Variants in KCNB2 observed in about 807,000 individuals in gnomAD.
KCNB2 encodes the protein delayed rectifier potassium channel protein.
A neutral mutation model predicts 61.5 loss-of-function variants in KCNB2; 15 were observed. The observed-to-expected ratio is 0.24, with a 90% CI of 0.16 to 0.38. KCNB2 has a LOEUF of 0.38. Ranked by LOEUF, KCNB2 falls within the 10% of genes least tolerant of loss-of-function variation. The probability of loss-of-function intolerance (pLI) is 1.00; values close to 1 mark genes in which losing one functional copy is unlikely to be tolerated. For missense variants in KCNB2, 828 were observed against 1,125.2 expected (o/e 0.74, Z 3.78); for synonymous variants, 457 against 446.0 (o/e 1.02, Z -0.31).
intron 2 of KCNB2, among the ~76,000 whole-genome samples, chr8:72,613,168 T>A (rs1367963139): frequency 2.6e-5 from 4 of 151,998 alleles, no homozygotes; most frequent in Non-Finnish European, 5.9e-5. Flanking sequence ...AGAGAGTAAA[T>A]CTGAATTTAG....
intron 1 of KCNB2, among the ~76,000 whole-genome samples, chr8:72,552,939 C>T (rs1347838727): frequency 2.0e-5 from 3 of 151,810 alleles, no homozygotes; most frequent in South Asian, 2.1e-4. Flanking sequence ...CCTTTTTTGA[C>T]GTCTAAAATG....
intron 2 of KCNB2, among the ~76,000 whole-genome samples, chr8:72,930,427 G>C (rs1806755600): frequency 6.6e-6 from 1 of 152,212 alleles, no homozygotes; most frequent in Non-Finnish European, 1.5e-5. Context: ...CAGTGTAAAA[G>C]TGTTCCTGTT....
At chr8:72,867,120 A>G (rs1805533309) in intron 2 of KCNB2, among the ~76,000 whole-genome samples, 1 of 152,224 alleles carries the variant, frequency 6.6e-6, no homozygotes, top group Non-Finnish European at 1.5e-5. Context: ...TAATTAGCCA[A>G]TGACTTGGAG....
intron 2 of KCNB2, among the ~76,000 whole-genome samples, chr8:72,662,022 C>T (rs916653263): frequency 1.3e-5 from 2 of 152,184 alleles, no homozygotes; most frequent in African/African-American, 4.8e-5. Flanking sequence ...TTAAGCCTCT[C>T]AAGAATTTGA....
intron 2 of KCNB2, among the ~76,000 whole-genome samples, chr8:72,839,048 T>C (rs1262382753): frequency 2.0e-5 from 3 of 152,174 alleles, no homozygotes; most frequent in Admixed American, 2.0e-4. Flanking sequence ...TTTAAACAAT[T>C]ATAATAATAG....
At chr8:72,681,918 T>C (rs975285766) in intron 2 of KCNB2, among the ~76,000 whole-genome samples, 5 of 152,208 alleles carry the variant, frequency 3.3e-5, no homozygotes, top group Non-Finnish European at 7.3e-5. Flanking sequence ...TGTAGTGATT[T>C]AACATCCCCT....
At chr8:72,538,276 C>G (rs898250446) in intron 1 of KCNB2, among the ~76,000 whole-genome samples, 1 of 152,074 alleles carries the variant, frequency 6.6e-6, no homozygotes, top group Non-Finnish European at 1.5e-5. Context: ...CAGAGACATG[C>G]GTGCATTTTA....
At chr8:72,704,584 A>G (rs1487438200) in intron 2 of KCNB2, among the ~76,000 whole-genome samples, 1 of 151,860 alleles carries the variant, frequency 6.6e-6, no homozygotes, top group South Asian at 2.1e-4. Context: ...CACAGATAAG[A>G]TGAGCAGTGT....
At chr8:72,586,826 A>G (rs1010710427) in intron 2 of KCNB2, among the ~76,000 whole-genome samples, 1 of 152,150 alleles carries the variant, frequency 6.6e-6, no homozygotes, top group Non-Finnish European at 1.5e-5. Context: ...ACCACATCAC[A>G]TTTTTTAAAA....
At chr8:72,830,309 A>C (rs978834915) in intron 2 of KCNB2, among the ~76,000 whole-genome samples, 1 of 151,052 alleles carries the variant, frequency 6.6e-6, no homozygotes, top group African/African-American at 2.4e-5. Flanking sequence ...CAGCTTTTCT[A>C]TCCAGACGAT....
intron 2 of KCNB2, among the ~76,000 whole-genome samples, chr8:72,816,621 A>G (rs1809400595): frequency 6.6e-6 from 1 of 152,190 alleles, no homozygotes; most frequent in Non-Finnish European, 1.5e-5. Context: ...TTTTTGTGGT[A>G]TGAATTCATG....
intron 2 of KCNB2, among the ~76,000 whole-genome samples, chr8:72,589,628 A>G (rs150839381): frequency 6.6e-6 from 1 of 152,350 alleles, no homozygotes; most frequent in East Asian, 1.9e-4. Context: ...CTAAACCTAG[A>G]ACCTAATTCT....
chr8:72,660,819 G>T (rs1806367915), intron 2 of KCNB2: 2 of 152,084 alleles, frequency 1.3e-5, no homozygotes, highest in Admixed American at 6.6e-5. Flanking sequence ...TTATTTATTG[G>T]ATATTTAATG....
At position 72,921,650 on chromosome 8, in the gene KCNB2, T is replaced by C. The variant is rs1166905392; in HGVS notation, c.580-14285T>C. Among the ~76,000 whole-genome samples, 9 of 152,328 alleles carry C rather than the reference T, an allele frequency of 5.9e-5. No individual in the cohort carries two copies. The East Asian group carries it at 1.2e-3, about 20-fold the overall frequency. The stretch of plus-strand genomic sequence containing the variant: ...CTAACTGTTTTAATATGTTATTTTG[T>C]AGTATTTCCTTATTTATATTTCTCC... On this transcript the variant is annotated intron_variant, in intron 2 of 2. Coordinates refer to ENST00000523207, the MANE Select transcript of KCNB2 (RefSeq NM_004770.3).
chr8:72,761,925 TA>T (rs1439212922), intron 2 of KCNB2, among the ~76,000 whole-genome samples: 2 of 152,204 alleles, frequency 1.3e-5, no homozygotes, highest in Non-Finnish European at 2.9e-5. Context: ...CAATAGCCTA[TA>T]GACTCTATAG....
intron 2 of KCNB2, among the ~76,000 whole-genome samples, chr8:72,769,894 G>T (rs1290685929): frequency 6.6e-6 from 1 of 152,124 alleles, no homozygotes; most frequent in East Asian, 1.9e-4. Flanking sequence ...TTATGGTTTG[G>T]TGTCAGGTGT....
intron 2 of KCNB2, among the ~76,000 whole-genome samples, chr8:72,894,477 T>G (rs1805954811): frequency 6.6e-6 from 1 of 152,224 alleles, no homozygotes; most frequent in African/African-American, 2.4e-5. Flanking sequence ...TTTAAAAGTT[T>G]AAGTTAGAAT....
At chr8:72,783,362 C>T (rs944851811) in intron 2 of KCNB2, among the ~76,000 whole-genome samples, 17 of 152,078 alleles carry the variant, frequency 1.1e-4, no homozygotes, top group Non-Finnish European at 1.8e-4. Context: ...CCTCAGGTTC[C>T]CTCTCTCCAG....
intron 2 of KCNB2, among the ~76,000 whole-genome samples, chr8:72,739,430 G>C (rs1307414066): frequency 6.6e-6 from 1 of 151,944 alleles, no homozygotes; most frequent in African/African-American, 2.4e-5. Context: ...TGCTGGCATA[G>C]GGTTAAAGAC....
Sources: gnomAD v4.1 joint callset for allele counts (sites outside exome capture counted in the v4.1 genomes callset) on GRCh38, gnomAD v4.1.1 for gene constraint, MANE v1.5 for transcripts, NCBI Gene and HGNC (gene_info 2026-07-23, HGNC 2026-07-21) for gene names.